Variants in FGFR1OP2 observed in about 807,000 individuals in gnomAD.
FGFR1OP2 encodes the protein FGFR1 oncogene partner 2.
A neutral mutation model predicts 35.2 loss-of-function variants in FGFR1OP2; 17 were observed. The observed-to-expected ratio is 0.48, with a 90% CI of 0.33 to 0.73. The LOEUF (loss-of-function observed/expected upper bound fraction) is 0.73, where lower values mean the gene tolerates loss of function less well. Among genes scored for constraint, FGFR1OP2 ranks in the 30% least tolerant of loss-of-function variants. FGFR1OP2 has a pLI of 0.02. For synonymous variants in FGFR1OP2, 105 were observed against 104.6 expected, an observed-to-expected ratio of 1.00 and a Z score of -0.03; for missense variants, 251 against 307.3, an observed-to-expected ratio of 0.82 and a Z score of 1.37.
intron 2 of FGFR1OP2, among the ~76,000 whole-genome samples, chr12:26,956,318 A>G (rs11048786): frequency 0.073 from 11,055 of 152,020 alleles, 498 homozygotes; most frequent in Non-Finnish European, 0.1. Context: ...CCATTTGTAT[A>G]TCTTCTTTAG....
rs1939130725 is a variant in FGFR1OP2, at chr12:26,963,327, A to T, written c.511-15A>T. On this transcript the variant is annotated splice_polypyrimidine_tract_variant and intron_variant, in intron 5 of 6. Transcript: ENST00000229395. ...AGTATTTTGCTGATTTCCAACTCCC[A>T]TCCCTCTTTTTCAGGAACTGCAAGC... 1 of 1,559,600 alleles carries T rather than the reference A, an allele frequency of 6.4e-7. No homozygotes were observed. Among genetic ancestry groups the T allele is most frequent in the Non-Finnish European group, 8.7e-7 (1 of 1,143,832 alleles).
At chr12:26,950,666 G>A (rs1434468184) in intron 1 of FGFR1OP2, among the ~76,000 whole-genome samples, 1 of 152,192 alleles carries the variant, frequency 6.6e-6, no homozygotes, top group African/African-American at 2.4e-5. Flanking sequence ...GTGGAGCACA[G>A]TTAAGTCATT....
chr12:26,958,263 A>T (rs1939053543), intron 4 of FGFR1OP2, among the ~76,000 whole-genome samples: 2 of 152,212 alleles, frequency 1.3e-5, no homozygotes, highest in African/African-American at 4.8e-5. Context: ...CAGGAGGCTG[A>T]GGTGGATAGA....
At chr12:26,943,836 G>C (rs1592246196) in intron 1 of FGFR1OP2, among the ~76,000 whole-genome samples, 1 of 152,020 alleles carries the variant, frequency 6.6e-6, no homozygotes, top group East Asian at 1.9e-4. Context: ...TCAAAAAAAA[G>C]AAAAAGAAAA....
chr12:26,957,962 T>G, intron 4 of FGFR1OP2: 1 of 396,290 alleles, frequency 2.5e-6, no homozygotes, highest in Non-Finnish European at 4.5e-6. Context: ...TCACTGTTTC[T>G]TAGAAACTTT....
chr12:26,950,026 C>T (rs993858092), intron 1 of FGFR1OP2, among the ~76,000 whole-genome samples: 1 of 151,872 alleles, frequency 6.6e-6, no homozygotes, highest in Non-Finnish European at 1.5e-5. Context: ...AGTCTTTTAA[C>T]TTCTTCATGG....
chr12:26,939,373 CG>C (rs1299878278), intron 1 of FGFR1OP2, among the ~76,000 whole-genome samples: 5 of 152,050 alleles, frequency 3.3e-5, no homozygotes, highest in African/African-American at 1.2e-4. Flanking sequence ...TTTTAGTAAC[CG>C]TATTGCTGAC....
rs1252810252 is a variant in FGFR1OP2 at position 26,966,261 on chromosome 12, T to C, written c.*1528T>C. 1 of 152,076 alleles carries C rather than the reference T, an allele frequency of 6.6e-6. No homozygotes were observed. The highest frequency in any genetic ancestry group is 6.6e-5 in the Admixed American group (1 of 15,252). The allele number at this position is 152,076 out of a possible 1,614,324, so 9.4% of individuals were successfully genotyped here. A position where few individuals can be genotyped will look rare whatever the true frequency, so the allele number is the denominator to read the frequency against. The stretch of plus-strand genomic sequence containing the variant: ...TAAATGACAGTTTTTATTTTTAAAC[T>C]TTTTATTGTTTTTGGGAAAGTATTC... On this transcript the variant is annotated 3_prime_UTR_variant, in exon 7 of 7. Coordinates refer to ENST00000229395, the MANE Select transcript of FGFR1OP2 (RefSeq NM_015633.3).
At chr12:26,948,572 C>G (rs1938865738) in intron 1 of FGFR1OP2, among the ~76,000 whole-genome samples, 1 of 152,244 alleles carries the variant, frequency 6.6e-6, no homozygotes, top group East Asian at 1.9e-4. Context: ...AAGATTTTCT[C>G]TTTGTCTTTA....
At position 26,960,427 on chromosome 12, in the gene FGFR1OP2, G is replaced by A. The variant is rs531576119; in HGVS notation, c.397-88G>A. 115 of 776,704 alleles carry A rather than the reference G, an allele frequency of 1.5e-4. No individual in the cohort carries two copies. The African/African-American group carries it at 1.9e-3, about 13-fold the overall frequency. 48.1% of individuals were successfully genotyped at this position (776,704 alleles called of 1,614,324 possible). A position where few individuals can be genotyped will look rare whatever the true frequency, so the allele number is the denominator to read the frequency against. On this transcript the variant is annotated intron_variant, in intron 4 of 6. Coordinates refer to ENST00000229395, the MANE Select transcript of FGFR1OP2 (RefSeq NM_015633.3). ...CTTAAAAAAGCAAACATTTCAAACAGTTGGCTAACACGCATGAACTAACAC... is the reference window on the plus strand; with the variant it reads ...CTTAAAAAAGCAAACATTTCAAACAATTGGCTAACACGCATGAACTAACAC...
intron 2 of FGFR1OP2, 148 bp from the exon 3 acceptor site, chr12:26,956,395 G>C (rs1939019612): frequency 4.9e-6 from 1 of 204,358 alleles, no homozygotes; most frequent in Middle Eastern, 2.1e-3. Flanking sequence ...TTGTTGAGTT[G>C]TAAGTGTTCT....
intron 1 of FGFR1OP2, among the ~76,000 whole-genome samples, chr12:26,950,038 T>C (rs888604831): frequency 6.6e-6 from 1 of 151,926 alleles, no homozygotes; most frequent in African/African-American, 2.4e-5. Flanking sequence ...TCTTCATGGG[T>C]TTATTTTACA....
At chr12:26,964,170 C>T (rs1285088094) in intron 6 of FGFR1OP2, among the ~76,000 whole-genome samples, 2 of 152,154 alleles carry the variant, frequency 1.3e-5, no homozygotes, top group South Asian at 2.1e-4. Context: ...TCTCAAATGC[C>T]AATGAGCTAA....
At chr12:26,951,333 T>A (rs989590751) in intron 1 of FGFR1OP2, among the ~76,000 whole-genome samples, 2 of 151,824 alleles carry the variant, frequency 1.3e-5, no homozygotes, top group Non-Finnish European at 2.9e-5. Context: ...ATTTATTTAT[T>A]TAGTTAGTTA....
chr12:26,953,268 CAAAAAA>C (rs10714749), intron 1 of FGFR1OP2, among the ~76,000 whole-genome samples: 109 of 78,272 alleles, frequency 1.4e-3, no homozygotes, highest in African/African-American at 5.0e-3. Context: ...ACTGTGTCTC[CAAAAAA>C]AAAAAAAAAA....
At position 26,940,252 on chromosome 12, in the gene FGFR1OP2, CTT is replaced by C. The variant is rs780017523; in HGVS notation, c.-15+1543_-15+1544del. ...ACTCTTTGAACATATGTATGTGAAACTTATATTCAGCCACAATTCTAAGGGAA... is the reference window on the plus strand; with the variant it reads ...ACTCTTTGAACATATGTATGTGAAACATATTCAGCCACAATTCTAAGGGAA... On this transcript the variant is annotated intron_variant, in intron 1 of 6. Transcript: ENST00000229395. Among the ~76,000 whole-genome samples, 33 of 152,288 alleles carry C rather than the reference CTT, an allele frequency of 2.2e-4. 1 individual carries two copies. The East Asian group carries it at 2.9e-3, about 13-fold the overall frequency.
chr12:26,960,388 G>A (rs1939085491), intron 4 of FGFR1OP2, 127 bp from the exon 5 acceptor site: 4 of 502,838 alleles, frequency 8.0e-6, no homozygotes, highest in Non-Finnish European at 1.3e-5. Context: ...TTGAACAGAT[G>A]CCTTTTTGGA....
intron 1 of FGFR1OP2, among the ~76,000 whole-genome samples, chr12:26,943,343 T>G (rs1592245929): frequency 6.6e-6 from 1 of 152,330 alleles, no homozygotes; most frequent in South Asian, 2.1e-4. Flanking sequence ...AGTCTTAAAC[T>G]TTGGTAGTGT....
Position 26,964,908 on chromosome 12 carries a change from CAT to C in FGFR1OP2, c.*177_*178del, listed in dbSNP as rs1354559682. 7.1e-6 allele frequency: 4 copies of C among 564,678 alleles called. No homozygotes were observed. The African/African-American group carries it at 7.4e-5, about 11-fold the overall frequency. 35.0% of individuals were successfully genotyped at this position (564,678 alleles called of 1,614,324 possible). On this transcript the variant is annotated 3_prime_UTR_variant, in exon 7 of 7. Transcript: ENST00000229395. ...AATGGTCATAGACTTTATTCCAAAA[CAT>C]AATTGGAAAATAGAAACTGAGCCAT...
Sources: allele counts gnomAD v4.1 joint callset (sites outside exome capture counted in the v4.1 genomes callset), GRCh38; gene constraint gnomAD v4.1.1; transcripts MANE v1.5; gene names NCBI Gene and HGNC (gene_info 2026-07-23, HGNC 2026-07-21).